The following FGF12 variants were observed in gnomAD, a reference collection of about 807,000 sequenced individuals.
The protein encoded by FGF12 is fibroblast growth factor 12B.
A neutral mutation model predicts 23.6 loss-of-function variants in FGF12; 14 were observed. That is an observed-to-expected ratio of 0.59 (90% CI 0.39 to 0.93). FGF12 has a LOEUF of 0.93. Ranked by LOEUF, FGF12 falls within the 40% of genes least tolerant of loss-of-function variation. The pLI, the probability that FGF12 is intolerant of heterozygous loss-of-function variation, is 0.00. For missense variants in FGF12, 175 were observed against 217.8 expected (o/e 0.80, Z 1.24); for synonymous variants, 62 against 77.3 (o/e 0.80, Z 1.04).
intron 2 of FGF12, among the ~76,000 whole-genome samples, chr3:192,705,097 C>G (rs1309241029): frequency 1.3e-5 from 2 of 152,216 alleles, no homozygotes; most frequent in Non-Finnish European, 2.9e-5. Flanking sequence ...CTTATCCTTC[C>G]TGTGTTCACT....
intron 2 of FGF12, among the ~76,000 whole-genome samples, chr3:192,641,726 G>A (rs1715816509): frequency 6.6e-6 from 1 of 152,082 alleles, no homozygotes; most frequent in African/African-American, 2.4e-5. Context: ...ATTTTTATAT[G>A]GTTGAAAAGA....
chr3:192,716,103 A>C (rs1009741045), intron 2 of FGF12, among the ~76,000 whole-genome samples: 1 of 152,222 alleles, frequency 6.6e-6, no homozygotes, highest in African/African-American at 2.4e-5. Flanking sequence ...AGGTTTTCTC[A>C]AAGATCTAGA....
At chr3:192,667,910 AC>A (rs1201558681) in intron 2 of FGF12, among the ~76,000 whole-genome samples, 1 of 152,206 alleles carries the variant, frequency 6.6e-6, no homozygotes, top group African/African-American at 2.4e-5. Context: ...ATGTTATCAG[AC>A]ACACATAATG....
chr3:192,572,885 C>G (rs1712703447), intron 2 of FGF12, among the ~76,000 whole-genome samples: 1 of 151,980 alleles, frequency 6.6e-6, no homozygotes, highest in South Asian at 2.1e-4. Flanking sequence ...TCATGGTCAT[C>G]CTCATAGTTT....
intron 4 of FGF12, among the ~76,000 whole-genome samples, chr3:192,286,741 G>A (rs1714468360): frequency 6.6e-6 from 1 of 151,972 alleles, no homozygotes; most frequent in Admixed American, 6.6e-5. Flanking sequence ...TCTTGAGATT[G>A]ATTTTTGTTT....
intron 2 of FGF12, among the ~76,000 whole-genome samples, chr3:192,578,035 G>A (rs781419): frequency 0.23 from 34,706 of 151,994 alleles, 4,781 homozygotes; most frequent in East Asian, 0.36. Flanking sequence ...GGGGGGCAGG[G>A]TATCTAAAAT....
At chr3:192,296,143 C>A (rs1264803449) in intron 4 of FGF12, among the ~76,000 whole-genome samples, 1 of 144,204 alleles carries the variant, frequency 6.9e-6, no homozygotes, top group Non-Finnish European at 1.5e-5. Context: ...TGACCTCAAC[C>A]AATCTACCTG....
chr3:192,630,616 G>A (rs761943691), intron 2 of FGF12, among the ~76,000 whole-genome samples: 37 of 149,450 alleles, frequency 2.5e-4, no homozygotes, highest in Non-Finnish European at 4.6e-4. Context: ...GCAGTGGCGC[G>A]ATCTCGGCTC....
intron 2 of FGF12, among the ~76,000 whole-genome samples, chr3:192,696,001 A>G (rs1718109334): frequency 6.6e-6 from 1 of 152,202 alleles, no homozygotes; most frequent in Non-Finnish European, 1.5e-5. Context: ...TGGGAGGCTA[A>G]GGCAGGAGAA....
chr3:192,596,364 G>A (rs1367332634), intron 2 of FGF12, among the ~76,000 whole-genome samples: 1 of 151,876 alleles, frequency 6.6e-6, no homozygotes, highest in African/African-American at 2.4e-5. Flanking sequence ...AGTGTCTAAC[G>A]TAGGCTAATG....
chr3:192,206,878 G>A (rs775730669), intron 4 of FGF12, among the ~76,000 whole-genome samples: 2 of 152,100 alleles, frequency 1.3e-5, no homozygotes, highest in Admixed American at 6.6e-5. Context: ...CCTGGAAGCT[G>A]CCCCTGAAGC....
chr3:192,241,394 T>C (rs1719610071), intron 4 of FGF12, among the ~76,000 whole-genome samples: 1 of 152,146 alleles, frequency 6.6e-6, no homozygotes, highest in South Asian at 2.1e-4. Context: ...AATGTGAATA[T>C]AAATGTATTT....
intron 2 of FGF12, among the ~76,000 whole-genome samples, chr3:192,444,333 C>T (rs188307138): frequency 7.0e-4 from 107 of 152,338 alleles, no homozygotes; most frequent in Admixed American, 2.3e-3. Context: ...TCTCTTCACA[C>T]CTTCCAACAT....
At chr3:192,711,122 C>A (rs1054092797) in intron 2 of FGF12, among the ~76,000 whole-genome samples, 1 of 152,152 alleles carries the variant, frequency 6.6e-6, no homozygotes, top group African/African-American at 2.4e-5. Context: ...AAAATATCTT[C>A]GGGAAATCTC....
intron 5 of FGF12, among the ~76,000 whole-genome samples, chr3:192,154,745 C>T (rs1304687287): frequency 6.9e-6 from 1 of 144,898 alleles, no homozygotes; most frequent in African/African-American, 2.6e-5. Context: ...TTTAAGTCTG[C>T]AGAGGTTACT....
chr3:192,308,307 T>G (rs1715757485), intron 4 of FGF12, among the ~76,000 whole-genome samples: 1 of 152,182 alleles, frequency 6.6e-6, no homozygotes, highest in Non-Finnish European at 1.5e-5. Context: ...AATAGGTTGT[T>G]AAACCGTTTG....
At chr3:192,339,759 A>G (rs1278330643) in intron 3 of FGF12, among the ~76,000 whole-genome samples, 2 of 152,120 alleles carry the variant, frequency 1.3e-5, no homozygotes, top group South Asian at 2.1e-4. Flanking sequence ...ATATTTCGGT[A>G]ATGATATTTA....
intron 2 of FGF12, among the ~76,000 whole-genome samples, chr3:192,368,352 A>C (rs1247778805): frequency 6.6e-6 from 1 of 152,236 alleles, no homozygotes; most frequent in Non-Finnish European, 1.5e-5. Flanking sequence ...AATAAAGTAT[A>C]TAATAAAATG....
At chr3:192,371,772 G>A (rs983338136) in intron 2 of FGF12, among the ~76,000 whole-genome samples, 5 of 152,082 alleles carry the variant, frequency 3.3e-5, no homozygotes, top group African/African-American at 1.2e-4. Context: ...AGGGAACTGA[G>A]GCTTACAGAG....
Sources: gnomAD v4.1 joint callset for allele counts (sites outside exome capture counted in the v4.1 genomes callset) on GRCh38, gnomAD v4.1.1 for gene constraint, MANE v1.5 for transcripts, NCBI Gene and HGNC (gene_info 2026-07-23, HGNC 2026-07-21) for gene names.